Variants in TMEM132E observed in about 807,000 individuals in gnomAD.
The protein encoded by TMEM132E is transmembrane protein 132E.
A neutral mutation model predicts 78.5 loss-of-function variants in TMEM132E; 49 were observed. The observed-to-expected ratio is 0.62, with a 90% CI of 0.50 to 0.79. TMEM132E has a LOEUF of 0.79. Among genes scored for constraint, TMEM132E ranks in the 30% least tolerant of loss-of-function variants. The probability of loss-of-function intolerance (pLI) is 0.00; values close to 1 mark genes in which losing one functional copy is unlikely to be tolerated. For synonymous variants in TMEM132E, 715 were observed against 670.6 expected (o/e 1.07, Z -1.02); for missense variants, 1,403 against 1,470.9 (o/e 0.95, Z 0.75).
In TMEM132E at chr17:34,581,153, G is replaced by A. The variant is rs1168831179; in HGVS notation, c.67+10G>A. Reference sequence around the variant, plus strand: ...GCGCTACTCGCCCACGGTAAGTGTCGCGGCGCGGACTGGGGGTGAGGATGC... The same window carrying A: ...GCGCTACTCGCCCACGGTAAGTGTCACGGCGCGGACTGGGGGTGAGGATGC... On this transcript the variant is annotated intron_variant, in intron 1 of 8. Coordinates refer to ENST00000631683, the MANE Select transcript of TMEM132E (RefSeq NM_001304438.2). 3 of 1,507,534 alleles carry A rather than the reference G, an allele frequency of 2.0e-6. No individual in the cohort carries two copies. The highest frequency in any genetic ancestry group is 2.6e-6 in the Non-Finnish European group (3 of 1,132,624). 93.4% of individuals were successfully genotyped at this position (1,507,534 alleles called of 1,614,324 possible).
At chr17:34,585,946 C>T (rs1192548310) in intron 1 of TMEM132E, among the ~76,000 whole-genome samples, 1 of 152,342 alleles carries the variant, frequency 6.6e-6, no homozygotes, top group African/African-American at 2.4e-5. Flanking sequence ...CAAACCCTGA[C>T]TTTGTCATCA....
chr17:34,620,429 A>C (rs879463105), intron 1 of TMEM132E, among the ~76,000 whole-genome samples: 5 of 152,130 alleles, frequency 3.3e-5, no homozygotes, highest in Non-Finnish European at 7.4e-5. Flanking sequence ...CCAAGTCATC[A>C]CCTCTCCTTC....
intron 1 of TMEM132E, among the ~76,000 whole-genome samples, chr17:34,593,766 C>T (rs751555546): frequency 7.9e-5 from 12 of 152,260 alleles, no homozygotes; most frequent in Non-Finnish European, 1.6e-4. Context: ...AACCACAAGT[C>T]AAATCATCAC....
rs376665855 is a variant in TMEM132E, at chr17:34,629,086, G to A, written c.1220G>A (p.Arg407Gln). 18 of 1,610,816 alleles carry A rather than the reference G, an allele frequency of 1.1e-5. No homozygotes were observed. Among genetic ancestry groups the A allele is most frequent in the African/African-American group, 1.3e-5 (1 of 74,978 alleles). The change falls in exon 4 of 9, where the codon CGG (arginine) becomes CAG (glutamine). Residue 407 changes from arginine (R) to glutamine (Q), a missense_variant. By Grantham distance (43) the Arg-to-Gln change is conservative. This residue lies in a region of TMEM132E where 888 missense variants were observed against 952.8 expected (regional missense o/e 0.93). Transcript: ENST00000631683. Reference sequence around the variant, plus strand: ...AACTTCACCAGCCAGTCAGTCAAGCGGAGGATCATGTGGCACATTGACTAC... The same window carrying A: ...AACTTCACCAGCCAGTCAGTCAAGCAGAGGATCATGTGGCACATTGACTAC... The part of the protein sequence containing the change: ...MENFTSQSVK[R>Q]RIMWHIDYRG...
chr17:34,581,539 G>A (rs1905482348), intron 1 of TMEM132E, among the ~76,000 whole-genome samples: 1 of 152,094 alleles, frequency 6.6e-6, no homozygotes, highest in African/African-American at 2.4e-5. Context: ...GGGATCCGCC[G>A]GGATCGCGTC....
rs907403239 is a variant in TMEM132E at position 34,626,992 on chromosome 17, C to T, written c.933C>T (p.Ile311=). The T allele has an allele frequency of 1.5e-5, 24 of 1,613,820 alleles. No individual in the cohort carries two copies. The highest frequency in any genetic ancestry group is 1.8e-5 in the Non-Finnish European group (21 of 1,180,034). The change falls in exon 2 of 9, where the codon ATC becomes ATT. Residue 311 remains isoleucine, a synonymous_variant. Coordinates refer to ENST00000631683, the MANE Select transcript of TMEM132E (RefSeq NM_001304438.2). The part of the protein sequence containing the change: ...RPLKPGEVLS[I]LLYLAPNSSS... ...TCAAGCCCGGGGAAGTGCTCAGCAT[C>T]CTCCTCTATCTGGCCCCCAACTCCT... is the stretch of plus-strand genomic sequence containing the variant.
intron 1 of TMEM132E, among the ~76,000 whole-genome samples, chr17:34,593,092 G>A (rs1344598619): frequency 1.3e-5 from 2 of 152,082 alleles, no homozygotes; most frequent in Non-Finnish European, 2.9e-5. Flanking sequence ...TAACCAATAT[G>A]CCCAAACAAT....
rs563714426 is a variant in TMEM132E at position 34,591,103 on chromosome 17, G to A, written c.67+9960G>A. Among the ~76,000 whole-genome samples, 3 of 152,270 alleles carry A rather than the reference G, an allele frequency of 2.0e-5. No individual in the cohort carries two copies. In the South Asian group the frequency reaches 6.2e-4, roughly 32 times the overall value. On this transcript the variant is annotated intron_variant, in intron 1 of 8. Coordinates refer to ENST00000631683, the MANE Select transcript of TMEM132E (RefSeq NM_001304438.2). ...AGACTGGATGGCAAATTGAAGGTGA[G>A]GAGCCCACAGCACGAGGGCTCAGTA...
intron 1 of TMEM132E, among the ~76,000 whole-genome samples, chr17:34,585,088 G>A (rs956866795): frequency 3.9e-5 from 6 of 152,184 alleles, no homozygotes; most frequent in Admixed American, 1.3e-4. Context: ...TGCTTGCTTC[G>A]CCTCTCCCAC....
rs1270365595 is a variant in TMEM132E, at chr17:34,613,412, TG to T, written c.68-12712del. Among the ~76,000 whole-genome samples the T allele has an allele frequency of 2.2e-5, 3 of 138,330 alleles. No individual in the cohort carries two copies. The East Asian group carries it at 6.9e-4, about 32-fold the overall frequency. The allele number at this position is 138,330 out of a possible 152,430, so 90.7% of individuals were successfully genotyped here. A position where few individuals can be genotyped will look rare whatever the true frequency, so the allele number is the denominator to read the frequency against. The stretch of plus-strand genomic sequence containing the variant: ...CCCCCGCTGCTCCTGCTTAGCTGGC[TG>T]GGTTCCCAGGCCAGGGCTGTGCAGG... On this transcript the variant is annotated intron_variant, in intron 1 of 8. Coordinates refer to ENST00000631683, the MANE Select transcript of TMEM132E (RefSeq NM_001304438.2).
chr17:34,581,061 C>T lies in TMEM132E; in HGVS notation c.-16C>T, dbSNP rs199545266. 2,031 of 1,541,684 alleles carry T rather than the reference C, an allele frequency of 1.3e-3. 28 individuals are homozygous for T. In the African/African-American group the frequency reaches 0.025, roughly 19 times the overall value. On this transcript the variant is annotated 5_prime_UTR_variant, in exon 1 of 9. Transcript: ENST00000631683. ...GACTGTTGCTCTCTCGGACCCCTCC[C>T]GCCCCCGCCTCGGCCATGGCCCCGG... is the stretch of plus-strand genomic sequence containing the variant.
chr17:34,614,865 C>T (rs895974701), intron 1 of TMEM132E: 21 of 152,478 alleles, frequency 1.4e-4, no homozygotes, highest in African/African-American at 3.4e-4. Flanking sequence ...TCATGTGCCC[C>T]GAGGCTCTGT....
At chr17:34,601,511 G>A (rs1429902847) in intron 1 of TMEM132E, among the ~76,000 whole-genome samples, 1 of 152,218 alleles carries the variant, frequency 6.6e-6, no homozygotes, top group Non-Finnish European at 1.5e-5. Context: ...TGTACTGATG[G>A]AGGACTCCAG....
intron 1 of TMEM132E, among the ~76,000 whole-genome samples, chr17:34,595,279 T>C (rs1366066853): frequency 6.6e-6 from 1 of 152,248 alleles, no homozygotes; most frequent in Non-Finnish European, 1.5e-5. Flanking sequence ...TTCAGTCTTC[T>C]TACCTGTAAG....
chr17:34,629,938 G>C, intron 4 of TMEM132E, 70 bp from the exon 5 acceptor site: 1 of 1,495,662 alleles, frequency 6.7e-7, no homozygotes, highest in Non-Finnish European at 9.0e-7. Context: ...CCAGGAGCTG[G>C]GGCCTTGGCT....
Position 34,637,818 on chromosome 17 carries a change from C to A in TMEM132E, c.2811C>A (p.Phe937Leu). 1 of 1,612,042 alleles carries A rather than the reference C, an allele frequency of 6.2e-7. No individual in the cohort carries two copies. ...TSMDHSHHWVFLGNGQPLRVQ... is the reference protein window; with the variant it reads ...TSMDHSHHWVLLGNGQPLRVQ... ...TGGACCACTCTCACCACTGGGTGTT[C>A]CTGGGCAACGGGCAGCCGCTGCGGG... Residue 937 changes from phenylalanine (F) to leucine (L), a missense_variant, in exon 9 of 9, where the codon TTC (phenylalanine) becomes TTA (leucine). Physicochemically the swap from Phe to Leu is conservative, Grantham distance 22. This residue lies in a region of TMEM132E where 888 missense variants were observed against 952.8 expected (regional missense o/e 0.93). Transcript: ENST00000631683.
intron 5 of TMEM132E, among the ~76,000 whole-genome samples, chr17:34,632,231 G>T (rs1752701719): frequency 6.6e-6 from 1 of 152,148 alleles, no homozygotes; most frequent in African/African-American, 2.4e-5. Context: ...GAGGACATGG[G>T]TCTGCCCCCC....
Position 34,626,662 on chromosome 17 carries a change from GC to G in TMEM132E, c.608del (p.Pro203GlnfsTer92). 2 of 1,414,026 alleles carry G rather than the reference GC, an allele frequency of 1.4e-6. No individual in the cohort carries two copies. Among genetic ancestry groups the G allele is most frequent in the Non-Finnish European group, 1.8e-6 (2 of 1,084,030 alleles). 87.6% of individuals were successfully genotyped at this position (1,414,026 alleles called of 1,614,324 possible). On this transcript the variant is annotated frameshift_variant, in exon 2 of 9. Coordinates refer to ENST00000631683, the MANE Select transcript of TMEM132E (RefSeq NM_001304438.2). LOFTEE classifies it high-confidence loss of function. ...CAGAGCTGCCCCTGGCCTGGTTCGG[GC>G]CCCCAGCCCCCGCTGCGCCACCCAC... is the stretch of plus-strand genomic sequence containing the variant. The part of the protein sequence containing the change: ...RAELPLAWFG[P>X]PAPAAPPTAR...
intron 1 of TMEM132E, among the ~76,000 whole-genome samples, chr17:34,610,420 C>G (rs1334256119): frequency 6.6e-6 from 1 of 152,160 alleles, no homozygotes; most frequent in Non-Finnish European, 1.5e-5. Context: ...AGCAGGGCCT[C>G]CATCTAAGAG....
Sources: gnomAD v4.1 joint callset for allele counts (sites outside exome capture counted in the v4.1 genomes callset) on GRCh38, gnomAD v4.1.1 for gene constraint, gnomAD v4.1.1 regional missense constraint, MANE v1.5 for transcripts, NCBI Gene and HGNC (gene_info 2026-07-23, HGNC 2026-07-21) for gene names.